Variants in HDAC4 observed in about 807,000 individuals in gnomAD.
The protein encoded by HDAC4 is histone deacetylase A.
In HDAC4, 16 loss-of-function variants were observed where a neutral mutation model predicts 135.1. The observed-to-expected ratio is 0.12, with a 90% confidence interval of 0.08 to 0.18. The LOEUF (loss-of-function observed/expected upper bound fraction) is 0.18, where lower values mean the gene tolerates loss of function less well. HDAC4 is among the 10% of genes least tolerant of loss of function. The pLI is 1.00. For missense variants in HDAC4, 1,143 were observed against 1,511.8 expected (o/e 0.76, Z 4.05); for synonymous variants, 685 against 653.4 (o/e 1.05, Z -0.74).
intron 2 of HDAC4, among the ~76,000 whole-genome samples, chr2:239,241,584 A>G (rs111618935): frequency 0.017 from 2,596 of 152,282 alleles, 41 homozygotes; most frequent in Middle Eastern, 0.031. Flanking sequence ...CTATTTCTCA[A>G]TCTTTCAAAG....
At chr2:239,238,477 C>T (rs552623894) in intron 2 of HDAC4, among the ~76,000 whole-genome samples, 150 of 152,280 alleles carry the variant, frequency 9.9e-4, no homozygotes, top group Admixed American at 3.7e-3. Flanking sequence ...ACAGTTCCTA[C>T]GAGCCAATGC....
rs1691547552 is a variant in HDAC4, at chr2:239,331,174, C to G, written c.22+21504G>C. On this transcript the variant is annotated intron_variant, in intron 2 of 26. Transcript: ENST00000543185. This position sits in a 1 kb window ranked among gnomAD's most constrained non-coding sequence, Gnocchi z 4.5. The stretch of plus-strand genomic sequence containing the variant: ...GGCCATCGGAGCAAAGCGCGGCCAG[C>G]ACTGTCGTGACATTGATGGCACGAA... Among the ~76,000 whole-genome samples the G allele has an allele frequency of 6.6e-6, 1 of 152,194 alleles. No individual in the cohort carries two copies. The highest frequency in any genetic ancestry group is 2.4e-5 in the African/African-American group (1 of 41,446).
chr2:239,100,044 C>A (rs2037471464), intron 16 of HDAC4, among the ~76,000 whole-genome samples: 1 of 152,252 alleles, frequency 6.6e-6, no homozygotes. Flanking sequence ...GGCATGGCCG[C>A]AGGCCCCATG....
chr2:239,178,708 C>T (rs2043935990), intron 4 of HDAC4, among the ~76,000 whole-genome samples: 3 of 152,200 alleles, frequency 2.0e-5, no homozygotes, highest in South Asian at 2.1e-4. Context: ...TTTTGTTGGT[C>T]TTGCTCCCCT....
chr2:239,111,829 C>T (rs1161677222), intron 13 of HDAC4, 117 bp from the exon 14 acceptor site: 1 of 959,066 alleles, frequency 1.0e-6, no homozygotes, highest in Non-Finnish European at 1.6e-6. Context: ...ATACATGGGC[C>T]ACAAGGATGC....
At chr2:239,284,077 C>T (rs1559326817) in intron 2 of HDAC4, among the ~76,000 whole-genome samples, 1 of 152,244 alleles carries the variant, frequency 6.6e-6, no homozygotes, top group Non-Finnish European at 1.5e-5. Flanking sequence ...GTCCATGCTG[C>T]GGTCTCCACG....
At chr2:239,144,475 C>T (rs2041617665) in intron 8 of HDAC4, 108 bp downstream of exon 8, 12 of 1,408,118 alleles carry the variant, frequency 8.5e-6, no homozygotes, top group Admixed American at 1.7e-5. Context: ...GGGTTGACAG[C>T]GTGAGGCAGA....
chr2:239,097,613 G>A (rs3791386), intron 16 of HDAC4, among the ~76,000 whole-genome samples: 30,645 of 152,178 alleles, frequency 0.2, 3,216 homozygotes, highest in South Asian at 0.24. Flanking sequence ...GCGGGGAAGC[G>A]GCCTGCACGC....
intron 22 of HDAC4, among the ~76,000 whole-genome samples, chr2:239,072,887 C>T (rs942959418): frequency 5.9e-5 from 9 of 152,210 alleles, no homozygotes; most frequent in Non-Finnish European, 1.2e-4. Flanking sequence ...AGGGCTTAAA[C>T]ACCAGGTGAA....
intron 1 of HDAC4, among the ~76,000 whole-genome samples, chr2:239,392,214 GCA>G (rs1559405472): frequency 6.6e-6 from 1 of 152,218 alleles, no homozygotes; most frequent in Non-Finnish European, 1.5e-5. Flanking sequence ...GGGCTGTGCT[GCA>G]CACTCAGGGG....
chr2:239,378,849 G>A lies in HDAC4; in HGVS notation c.-220+22129C>T, dbSNP rs1695214292. ...TTGGCAGAGTCGGACAATTTGGCCTGAGGCAAAACAGTCTTTCGAACAAAG... is the reference window on the plus strand; with the variant it reads ...TTGGCAGAGTCGGACAATTTGGCCTAAGGCAAAACAGTCTTTCGAACAAAG... On this transcript the variant is annotated intron_variant, in intron 1 of 26. Transcript: ENST00000543185. Among the ~76,000 whole-genome samples the A allele has an allele frequency of 1.3e-5, 2 of 152,188 alleles. 1 individual carries two copies. The highest frequency in any genetic ancestry group is 1.3e-4 in the Admixed American group (2 of 15,280).
chr2:239,251,642 C>T (rs569101494), intron 2 of HDAC4, among the ~76,000 whole-genome samples: 1 of 152,208 alleles, frequency 6.6e-6, no homozygotes, highest in South Asian at 2.1e-4. Flanking sequence ...CCACACAGTA[C>T]CTGCAGTCCT....
Position 239,309,145 on chromosome 2 carries a change from C to A in HDAC4, c.22+43533G>T, listed in dbSNP as rs182334125. ...TGCTCCAAAGGCGTTTTTCTCAGGGCGTTCGGCGCCGTAACTCAGGAGAAA... is the reference window on the plus strand; with the variant it reads ...TGCTCCAAAGGCGTTTTTCTCAGGGAGTTCGGCGCCGTAACTCAGGAGAAA... On this transcript the variant is annotated intron_variant, in intron 2 of 26. Transcript: ENST00000543185. This position sits in a 1 kb window ranked among gnomAD's most constrained non-coding sequence, Gnocchi z 4.2. The A allele has an allele frequency of 2.6e-5, 4 of 152,276 alleles. No individual in the cohort carries two copies. The highest frequency in any genetic ancestry group is 3.9e-4 in the East Asian group (2 of 5,168). 9.4% of individuals were successfully genotyped at this position (152,276 alleles called of 1,614,324 possible). A position where few individuals can be genotyped will look rare whatever the true frequency, so the allele number is the denominator to read the frequency against.
intron 2 of HDAC4, among the ~76,000 whole-genome samples, chr2:239,346,077 T>A (rs1255089609): frequency 8.0e-6 from 1 of 125,450 alleles, no homozygotes; most frequent in African/African-American, 3.3e-5. Context: ...ACACATGCAC[T>A]CACCCAACAC....
intron 11 of HDAC4, among the ~76,000 whole-genome samples, chr2:239,127,083 G>A (rs1298465752): frequency 6.6e-6 from 1 of 152,108 alleles, no homozygotes; most frequent in East Asian, 1.9e-4. Flanking sequence ...GGGGAGAGAG[G>A]GCCACCAGTG....
intron 2 of HDAC4, among the ~76,000 whole-genome samples, chr2:239,333,165 A>G (rs1443977100): frequency 4.6e-5 from 7 of 152,234 alleles, no homozygotes. Context: ...CAAGAAAATC[A>G]AACAGGTGTC....
chr2:239,102,657 A>T, intron 16 of HDAC4, 119 bp downstream of exon 16: 1 of 1,160,200 alleles, frequency 8.6e-7, no homozygotes, highest in Non-Finnish European at 1.3e-6. Context: ...CAGGCCCTTT[A>T]CCTTATAACC....
At chr2:239,059,342 A>C (rs967561436) in intron 24 of HDAC4, among the ~76,000 whole-genome samples, 11 of 152,198 alleles carry the variant, frequency 7.2e-5, no homozygotes, top group African/African-American at 2.7e-4. Context: ...TTCTGAAAAG[A>C]AAAAAGGATG....
At chr2:239,395,418 C>A (rs769634473) in intron 1 of HDAC4, among the ~76,000 whole-genome samples, 1 of 152,222 alleles carries the variant, frequency 6.6e-6, no homozygotes, top group East Asian at 1.9e-4. Context: ...CCTTGAAGAG[C>A]TTACATGTGA....
Sources: allele counts gnomAD v4.1 joint callset (sites outside exome capture counted in the v4.1 genomes callset), GRCh38; gene constraint gnomAD v4.1.1; non-coding constraint Gnocchi (gnomAD v3.1); transcripts MANE v1.5; gene names NCBI Gene and HGNC (gene_info 2026-07-23, HGNC 2026-07-21).